MVD: variants seen among roughly 807,000 people sequenced by gnomAD.
The protein encoded by MVD is diphosphomevalonate decarboxylase.
MVD carries 52 observed loss-of-function variants against 42.4 expected under a neutral mutation model. The observed-to-expected ratio is 1.23, with a 90% CI of 0.98 to 1.55. The LOEUF is 1.55. Ranked by LOEUF, MVD falls within the 40% of genes most tolerant of loss-of-function variation. The pLI is 0.00. For synonymous variants in MVD, 287 were observed against 243.2 expected (o/e 1.18, Z -1.68); for missense variants, 663 against 572.1 (o/e 1.16, Z -1.62).
chr16:88,656,474 TC>T, intron 4 of MVD, 170 bp from the exon 5 acceptor site: 1 of 684,100 alleles, frequency 1.5e-6, no homozygotes, highest in South Asian at 1.8e-5. Context: ...CAGCCGTCTG[TC>T]CCCCACCTCC....
intron 1 of MVD, 155 bp from the exon 2 acceptor site, chr16:88,658,875 C>A (rs6416802): frequency 0.13 from 83,023 of 647,562 alleles, 6,182 homozygotes; most frequent in South Asian, 0.14. Flanking sequence ...TGCCAGACCC[C>A]GGCCTGCAAG....
Position 88,654,671 on chromosome 16 carries a change from AG to A in MVD, c.1013+20del. ...CTGGCACCATCTCCCAAAAAGGAGG[AG>A]GGGCGGGGTCCACACTCACGTGTCT... On this transcript the variant is annotated intron_variant, in intron 8 of 9. Transcript: ENST00000301012. The A allele has an allele frequency of 6.3e-7, 1 of 1,578,874 alleles. No homozygotes were observed. Among genetic ancestry groups the A allele is most frequent in the Non-Finnish European group, 8.6e-7 (1 of 1,166,758 alleles).
Position 88,654,704 on chromosome 16 carries a change from G to A in MVD, c.1001C>T (p.Ser334Leu), listed in dbSNP as rs374779531. Residue 334 changes from serine to leucine, a missense_variant, in exon 8 of 10, where the codon TCG becomes TTG. By Grantham distance (145) the Ser-to-Leu change is moderately radical (BLOSUM62 -2). Coordinates refer to ENST00000301012, the MANE Select transcript of MVD (RefSeq NM_002461.3). The stretch of plus-strand genomic sequence containing the variant: ...GGTCCACACTCACGTGTCTCCATTC[G>A]AGCCTGGGGGAAAGCCGTGCCACAC... Reference protein sequence around the residue: ...AAVWHGFPPGSNGDTFLKGLQ... With the variant: ...AAVWHGFPPGLNGDTFLKGLQ... The A allele has an allele frequency of 6.9e-6, 11 of 1,598,080 alleles. No individual in the cohort carries two copies. Among genetic ancestry groups the A allele is most frequent in the Middle Eastern group, 1.7e-4 (1 of 6,008 alleles).
At chr16:88,653,212 C>G in intron 9 of MVD, 88 bp downstream of exon 9, 1 of 1,030,828 alleles carries the variant, frequency 9.7e-7, no homozygotes, top group Non-Finnish European at 1.4e-6. Context: ...CAGGGAGCCG[C>G]GCTTAGCCTT....
At chr16:88,658,528 T>C (rs1908084681) in intron 2 of MVD, 122 bp downstream of exon 2, 1 of 951,836 alleles carries the variant, frequency 1.1e-6, no homozygotes, top group Non-Finnish European at 1.6e-6. Context: ...ATGCCTGGGC[T>C]CAAGAGACTC....
At position 88,655,697 on chromosome 16, in the gene MVD, CG is replaced by C. The variant is rs753939256; in HGVS notation, c.636del (p.Val213TrpfsTer43). 5.1e-6 allele frequency: 8 copies of C among 1,560,456 alleles called. No individual in the cohort carries two copies. The South Asian group carries it at 9.4e-5, about 18-fold the overall frequency. On this transcript the variant is annotated frameshift_variant, in exon 6 of 10. Transcript: ENST00000301012. ...GTCTCCACACTGGCCCGCATGCCCA[CG>C]GTACTGCCTGTCAGCTTCTTCTCAG... is the stretch of plus-strand genomic sequence containing the variant. ...VSAEKKLTGS[T>X]VGMRASVETS... is the part of the protein sequence containing the mutation.
chr16:88,652,679 G>T, intron 9 of MVD, 74 bp from the exon 10 acceptor site: 1 of 1,387,794 alleles, frequency 7.2e-7, no homozygotes, highest in South Asian at 1.3e-5. Context: ...TGTAGGGCCG[G>T]ACACAGGAGG....
Position 88,657,955 on chromosome 16 carries a change from C to G in MVD, c.216G>C (p.Glu72Asp). The G allele has an allele frequency of 1.2e-6, 2 of 1,613,894 alleles. No homozygotes were observed. The highest frequency in any genetic ancestry group is 1.1e-5 in the South Asian group (1 of 91,088). ...CCTGCAGCCGCGGCTGCCCCACATCCTCCTCCCGGCCATTCAGCCAAATCC... is the reference window on the plus strand; with the variant it reads ...CCTGCAGCCGCGGCTGCCCCACATCGTCCTCCCGGCCATTCAGCCAAATCC... ...EDRIWLNGRE[E>D]DVGQPRLQAC... Residue 72 changes from glutamate (E) to aspartate (D), a missense_variant, in exon 3 of 10, where the codon GAG (glutamate) becomes GAC (aspartate). By Grantham distance (45) the Glu-to-Asp change is conservative. Transcript: ENST00000301012.
At chr16:88,661,352 C>G (rs1011771981) in intron 1 of MVD, among the ~76,000 whole-genome samples, 1 of 152,084 alleles carries the variant, frequency 6.6e-6, no homozygotes, top group Non-Finnish European at 1.5e-5. Flanking sequence ...ACCTGCAAAC[C>G]ACATGTCCAA....
intron 1 of MVD, chr16:88,661,981 TAGAAAGAG>T (rs1908330078): frequency 1.3e-5 from 2 of 150,258 alleles, no homozygotes; most frequent in African/African-American, 4.9e-5. Flanking sequence ...CATATATACA[TAGAAAGAG>T]AGAGAGAGAC....
intron 3 of MVD, 60 bp downstream of exon 3, chr16:88,657,855 C>A: frequency 2.6e-6 from 4 of 1,549,996 alleles, no homozygotes; most frequent in Non-Finnish European, 3.5e-6. Context: ...GAAGCACTTT[C>A]TGGATGCTCG....
intron 1 of MVD, chr16:88,662,665 C>T: frequency 1.5e-6 from 2 of 1,291,466 alleles, no homozygotes; most frequent in Non-Finnish European, 2.0e-6. Context: ...CCTCAGCCTC[C>T]CGAGTAGCTG....
intron 8 of MVD, among the ~76,000 whole-genome samples, chr16:88,654,092 G>A (rs1907751485): frequency 3.3e-5 from 5 of 152,166 alleles, no homozygotes; most frequent in South Asian, 2.1e-4. Context: ...GCTGTGCACC[G>A]AGGAGGGCGT....
At position 88,654,687 on chromosome 16, in the gene MVD, C is replaced by G; in HGVS notation, c.1013+5G>C. On this transcript the variant is annotated splice_donor_5th_base_variant and intron_variant, in intron 8 of 9. Transcript: ENST00000301012. ...AAAAGGAGGAGGGGCGGGGTCCACA[C>G]TCACGTGTCTCCATTCGAGCCTGGG... is the stretch of plus-strand genomic sequence containing the variant. 1.3e-6 allele frequency: 2 copies of G among 1,594,130 alleles called. No individual in the cohort carries two copies. The highest frequency in any genetic ancestry group is 1.8e-5 in the Admixed American group (1 of 55,292).
At position 88,655,657 on chromosome 16, in the gene MVD, C is replaced by G. The variant is rs373594765; in HGVS notation, c.677G>C (p.Arg226Pro). ...RASVETSPLL[R>P]FRAESVVPAR... The stretch of plus-strand genomic sequence containing the variant: ...GGGACCACCCGCTCCTGGCCTTACC[C>G]GAAGCAGGGGGCTGGTCTCCACACT... The change falls in exon 6 of 10, where the codon CGG (arginine) becomes CCG (proline). Residue 226 changes from arginine (R) to proline (P), a missense_variant and splice_region_variant. By Grantham distance (103) the Arg-to-Pro change is moderately radical. Coordinates refer to ENST00000301012, the MANE Select transcript of MVD (RefSeq NM_002461.3). 1 of 1,552,802 alleles carries G rather than the reference C, an allele frequency of 6.4e-7. No homozygotes were observed. The highest frequency in any genetic ancestry group is 1.2e-5 in the South Asian group (1 of 84,276).
At chr16:88,654,568 G>T in intron 8 of MVD, 124 bp downstream of exon 8, 1 of 932,946 alleles carries the variant, frequency 1.1e-6, no homozygotes, top group Non-Finnish European at 1.6e-6. Flanking sequence ...CCACACTCGG[G>T]GGACTGCTGC....
intron 1 of MVD, among the ~76,000 whole-genome samples, chr16:88,660,070 T>G (rs1431843008): frequency 6.8e-6 from 1 of 145,988 alleles, no homozygotes; most frequent in Non-Finnish European, 1.5e-5. Flanking sequence ...CCTGAAGGAG[T>G]GGGGACTTTC....
Position 88,655,359 on chromosome 16 carries a change from T to C in MVD, c.737A>G (p.Glu246Gly). The change falls in exon 7 of 10, where the codon GAG (glutamate) becomes GGG (glycine). Residue 246 changes from glutamate (E) to glycine (G), a missense_variant. By Grantham distance (98) the Glu-to-Gly change is moderately conservative. Transcript: ENST00000301012. ...RMAEMARCIRERDFPSFAQLT... is the reference protein window; with the variant it reads ...RMAEMARCIRGRDFPSFAQLT... ...CTGGGCGAAGCTGGGGAAGTCTCGC[T>C]CCCGGATGCAGCGGGCCATCTCCGC... The C allele has an allele frequency of 1.2e-6, 2 of 1,601,488 alleles. No individual in the cohort carries two copies. Among genetic ancestry groups the C allele is most frequent in the African/African-American group, 1.3e-5 (1 of 74,808 alleles).
intron 1 of MVD, chr16:88,661,969 T>C (rs1015548870): frequency 6.7e-6 from 1 of 148,748 alleles, no homozygotes; most frequent in Non-Finnish European, 1.5e-5. Context: ...CACACAAACA[T>C]ACATATATAC....
Sources: gnomAD v4.1 joint callset for allele counts (sites outside exome capture counted in the v4.1 genomes callset) on GRCh38, gnomAD v4.1.1 for gene constraint, MANE v1.5 for transcripts, NCBI Gene and HGNC (gene_info 2026-07-23, HGNC 2026-07-21) for gene names.